The following GRB10 variants were observed in gnomAD, a reference collection of about 807,000 sequenced individuals.
GRB10 encodes the protein growth factor receptor bound protein 10.
GRB10 carries 20 observed loss-of-function variants against 80.9 expected under a neutral mutation model. The ratio of observed to expected loss-of-function variants is 0.25; its 90% confidence interval spans 0.17 to 0.36. The LOEUF is 0.36. GRB10 is among the 10% of genes least tolerant of loss of function. The pLI is 1.00. For synonymous variants in GRB10, 291 were observed against 291.5 expected (o/e 1.00, Z 0.02); for missense variants, 548 against 747.7 (o/e 0.73, Z 3.12).
intron 8 of GRB10, among the ~76,000 whole-genome samples, chr7:50,620,391 C>T (rs1177547966): frequency 6.6e-6 from 1 of 152,202 alleles, no homozygotes; most frequent in Non-Finnish European, 1.5e-5. Context: ...AAGGCAAAAG[C>T]ATTTCTGAGT....
At chr7:50,611,812 T>C (rs1339966953) in intron 13 of GRB10, among the ~76,000 whole-genome samples, 1 of 152,222 alleles carries the variant, frequency 6.6e-6, no homozygotes, top group African/African-American at 2.4e-5. Context: ...CAACGAAGGC[T>C]GGGAGTTTTT....
intron 6 of GRB10, among the ~76,000 whole-genome samples, chr7:50,673,664 C>G (rs964612568): frequency 1.3e-5 from 2 of 152,150 alleles, no homozygotes; most frequent in African/African-American, 4.8e-5. Context: ...CTCTGCCAAC[C>G]CTGCTGCCCT....
chr7:50,622,875 C>T (rs550601209), intron 8 of GRB10, among the ~76,000 whole-genome samples: 60 of 152,080 alleles, frequency 3.9e-4, no homozygotes, highest in Admixed American at 3.4e-3. Flanking sequence ...TCTGCAGCCT[C>T]AACTTCCTGG....
At chr7:50,678,877 G>C (rs959711312) in intron 5 of GRB10, among the ~76,000 whole-genome samples, 1 of 152,178 alleles carries the variant, frequency 6.6e-6, no homozygotes, top group Non-Finnish European at 1.5e-5. Context: ...CTTCTGCCAC[G>C]TAACAGAAGT....
In GRB10 at chr7:50,606,341, G is replaced by A. The variant is rs768556821; in HGVS notation, c.1268C>T (p.Pro423Leu). The A allele has an allele frequency of 1.9e-6, 3 of 1,613,390 alleles. No homozygotes were observed. Among genetic ancestry groups the A allele is most frequent in the Admixed American group, 1.7e-5 (1 of 60,024 alleles). Residue 423 changes from proline to leucine, a missense_variant, in exon 14 of 19, where the codon CCA (proline) becomes CTA (leucine). By Grantham distance (98) the Pro-to-Leu change is moderately conservative. Transcript: ENST00000401949. ...RKALLSPFSTPVRSVSENSLV... is the reference protein window; with the variant it reads ...RKALLSPFSTLVRSVSENSLV... ...GAAGCTCCTGGCTTTACTTACCACT[G>A]GCGTCGAGAACGGGGACAGCAAGGC...
chr7:50,766,068 T>G (rs1421634747), intron 2 of GRB10, among the ~76,000 whole-genome samples: 1 of 152,226 alleles, frequency 6.6e-6, no homozygotes, highest in Non-Finnish European at 1.5e-5. Context: ...AGAATTTCAC[T>G]CTCTACAGAC....
intron 5 of GRB10, among the ~76,000 whole-genome samples, chr7:50,688,554 G>A (rs746785697): frequency 2.0e-5 from 3 of 152,124 alleles, no homozygotes; most frequent in East Asian, 1.9e-4. Flanking sequence ...AATAAACAGC[G>A]GTTCCAGAAA....
chr7:50,677,738 A>G (rs898084142), intron 5 of GRB10, among the ~76,000 whole-genome samples: 1 of 152,212 alleles, frequency 6.6e-6, no homozygotes, highest in African/African-American at 2.4e-5. Context: ...TTTCTATCTC[A>G]GTGGGCCATC....
intron 7 of GRB10, among the ~76,000 whole-genome samples, chr7:50,658,426 TC>T (rs2058870176): frequency 6.6e-6 from 1 of 152,166 alleles, no homozygotes; most frequent in South Asian, 2.1e-4. Context: ...GAAAATTACT[TC>T]CTGTTGCTAG....
At chr7:50,647,182 G>C (rs1293565473) in intron 7 of GRB10, among the ~76,000 whole-genome samples, 7 of 152,294 alleles carry the variant, frequency 4.6e-5, no homozygotes, top group African/African-American at 1.7e-4. Flanking sequence ...TAGAGACCTT[G>C]GTTATATAGA....
At chr7:50,787,995 A>G (rs1026701699) in intron 1 of GRB10, among the ~76,000 whole-genome samples, 1 of 152,176 alleles carries the variant, frequency 6.6e-6, no homozygotes, top group East Asian at 1.9e-4. Flanking sequence ...ACAGGATGTG[A>G]AGACCGTCTA....
chr7:50,605,846 T>C (rs1259408791), intron 14 of GRB10, among the ~76,000 whole-genome samples: 1 of 152,180 alleles, frequency 6.6e-6, no homozygotes, highest in Non-Finnish European at 1.5e-5. Context: ...GGGCAGATGC[T>C]GAAGGACCCT....
chr7:50,723,693 T>C (rs1471726781), intron 4 of GRB10, among the ~76,000 whole-genome samples: 1 of 152,234 alleles, frequency 6.6e-6, no homozygotes, highest in Non-Finnish European at 1.5e-5. Context: ...TCTCATTTCA[T>C]AACAGTGCAG....
chr7:50,648,991 A>G (rs2057639570), intron 7 of GRB10, among the ~76,000 whole-genome samples: 1 of 152,132 alleles, frequency 6.6e-6, no homozygotes, highest in Non-Finnish European at 1.5e-5. Flanking sequence ...CTTGGGGGTA[A>G]GAAACCCATG....
intron 18 of GRB10, 81 bp from the exon 19 acceptor site, chr7:50,593,179 A>G: frequency 6.7e-7 from 1 of 1,489,884 alleles, no homozygotes; most frequent in African/African-American, 1.4e-5. Flanking sequence ...AGCAGCAGCT[A>G]CATCTGCCCA....
At chr7:50,792,078 TTAAA>T (rs2078941719) in intron 1 of GRB10, among the ~76,000 whole-genome samples, 1 of 152,140 alleles carries the variant, frequency 6.6e-6, no homozygotes, top group Non-Finnish European at 1.5e-5. Flanking sequence ...GCTTGAAACT[TTAAA>T]TAGACCACCA....
At chr7:50,751,007 C>T (rs1044017016) in intron 3 of GRB10, among the ~76,000 whole-genome samples, 8 of 152,160 alleles carry the variant, frequency 5.3e-5, no homozygotes, top group Admixed American at 2.0e-4. Context: ...GCTTGCTTGG[C>T]CCCCAAGCCT....
intron 2 of GRB10, among the ~76,000 whole-genome samples, chr7:50,758,236 C>T (rs903976583): frequency 6.6e-6 from 1 of 152,150 alleles, no homozygotes; most frequent in Non-Finnish European, 1.5e-5. Context: ...ACCACCAACA[C>T]CCCGAGAGTA....
intron 7 of GRB10, among the ~76,000 whole-genome samples, chr7:50,633,118 T>G (rs2054317435): frequency 6.6e-6 from 1 of 152,184 alleles, no homozygotes; most frequent in South Asian, 2.1e-4. Context: ...TAGGGTGAAC[T>G]GCATAACTCA....
Sources: gnomAD v4.1 joint callset for allele counts (sites outside exome capture counted in the v4.1 genomes callset) on GRCh38, gnomAD v4.1.1 for gene constraint, MANE v1.5 for transcripts, NCBI Gene and HGNC (gene_info 2026-07-23, HGNC 2026-07-21) for gene names.